The following VPS13C variants were observed in gnomAD, a reference collection of about 807,000 sequenced individuals.
VPS13C encodes the protein intermembrane lipid transfer protein VPS13C.
Under a neutral mutation model 456.8 loss-of-function variants are expected in VPS13C, and 358 were observed. The observed-to-expected ratio is 0.78, with a 90% CI of 0.72 to 0.86. VPS13C has a LOEUF of 0.86. VPS13C is among the 40% of genes least tolerant of loss of function. The pLI is 0.00. For synonymous variants in VPS13C, 1,578 were observed against 1,486.7 expected, an observed-to-expected ratio of 1.06 and a Z score of -1.41; for missense variants, 4,818 against 4,385.4, an observed-to-expected ratio of 1.10 and a Z score of -2.79.
At chr15:61,984,041 T>A (rs1358085094) in intron 19 of VPS13C, 29 bp from the exon 20 acceptor site, 2 of 1,590,792 alleles carry the variant, frequency 1.3e-6, no homozygotes, top group South Asian at 1.1e-5. Context: ...CAAGGAAAGA[T>A]GCAGACAAGG....
At chr15:62,006,013 C>A (rs1055845335) in intron 15 of VPS13C, among the ~76,000 whole-genome samples, 1 of 151,820 alleles carries the variant, frequency 6.6e-6, no homozygotes, top group African/African-American at 2.4e-5. Flanking sequence ...CGTGTTTCTA[C>A]CTTTTAAAAG....
chr15:62,052,667 C>T (rs1294808711), intron 1 of VPS13C, among the ~76,000 whole-genome samples: 4 of 118,256 alleles, frequency 3.4e-5, no homozygotes, highest in Admixed American at 1.8e-4. Flanking sequence ...AGCAAGACTC[C>T]GTCTCAAAAA....
intron 66 of VPS13C, among the ~76,000 whole-genome samples, chr15:61,890,653 G>A (rs1173750125): frequency 1.3e-5 from 2 of 152,124 alleles, no homozygotes; most frequent in South Asian, 2.1e-4. Flanking sequence ...GTGCTGAAGG[G>A]CACAGAGCAG....
intron 36 of VPS13C, 38 bp from the exon 37 acceptor site, chr15:61,958,754 T>A: frequency 8.9e-7 from 1 of 1,120,800 alleles, no homozygotes; most frequent in Non-Finnish European, 1.2e-6. Context: ...CTATATTACG[T>A]TTTAAAATGA....
chr15:61,941,472 G>C (rs1283800338), intron 46 of VPS13C, among the ~76,000 whole-genome samples: 1 of 152,036 alleles, frequency 6.6e-6, no homozygotes, highest in Non-Finnish European at 1.5e-5. Context: ...CGTGCAAAGT[G>C]AGAAAAATAA....
chr15:61,972,469 A>T, intron 27 of VPS13C, among the ~76,000 whole-genome samples, 156 bp downstream of exon 27: 1 of 152,012 alleles, frequency 6.6e-6, no homozygotes. Context: ...AGAGAGAAAG[A>T]GTGTGTGTGA....
In VPS13C at chr15:62,052,017, A is replaced by G. The variant is rs559863009; in HGVS notation, c.101-7762T>C. Among the ~76,000 whole-genome samples the G allele has an allele frequency of 2.0e-4, 31 of 152,242 alleles. No homozygotes were observed. The South Asian group carries it at 4.4e-3, about 21-fold the overall frequency. On this transcript the variant is annotated intron_variant, in intron 1 of 84. Coordinates refer to ENST00000644861, the MANE Select transcript of VPS13C (RefSeq NM_020821.3). ...CTGGTAGTTTATCCAAGGTTATACAATTTTTTTGTGGCAGTACTAAGAATA... is the reference window on the plus strand; with the variant it reads ...CTGGTAGTTTATCCAAGGTTATACAGTTTTTTTGTGGCAGTACTAAGAATA...
intron 15 of VPS13C, among the ~76,000 whole-genome samples, chr15:62,003,723 G>C (rs1038260735): frequency 2.6e-5 from 4 of 151,696 alleles, no homozygotes; most frequent in African/African-American, 9.7e-5. Context: ...AGAGTTTTTA[G>C]CATGAAGGGC....
chr15:61,909,209 A>G, intron 64 of VPS13C, 84 bp from the exon 65 acceptor site: 2 of 1,542,026 alleles, frequency 1.3e-6, no homozygotes, highest in Non-Finnish European at 1.8e-6. Flanking sequence ...CGTAAAACAC[A>G]AAAGCTTTGG....
Position 62,018,789 on chromosome 15 carries a change from C to A in VPS13C, c.684+1690G>T, listed in dbSNP as rs936974809. On this transcript the variant is annotated intron_variant, in intron 9 of 84. Transcript: ENST00000644861. ...TCTGCCAGGCTTTGGTATCAGGATG[C>A]TGCTGGACTCATAAAATGAGTTAGG... Among the ~76,000 whole-genome samples the A allele has an allele frequency of 1.5e-3, 225 of 152,146 alleles. 1 individual carries two copies. The highest frequency in any genetic ancestry group is 3.5e-3 in the African/African-American group (146 of 41,506).
intron 45 of VPS13C, among the ~76,000 whole-genome samples, chr15:61,944,632 T>C (rs901071356): frequency 1.3e-5 from 2 of 152,030 alleles, no homozygotes; most frequent in Non-Finnish European, 2.9e-5. Context: ...TGCGGACTAC[T>C]ACAGAGAGGG....
At chr15:61,909,224 T>C (rs1441096915) in intron 64 of VPS13C, 99 bp from the exon 65 acceptor site, 1 of 1,465,698 alleles carries the variant, frequency 6.8e-7, no homozygotes, top group Non-Finnish European at 9.2e-7. Flanking sequence ...CTTTGGTTTT[T>C]TTCGAGACAG....
chr15:62,037,330 ACATTTATATATAATATAT>A (rs2048074043), intron 3 of VPS13C, among the ~76,000 whole-genome samples: 2 of 85,858 alleles, frequency 2.3e-5, no homozygotes. Flanking sequence ...TATATTATAT[ACATTTATATATAATATAT>A]TATATATAAA....
At chr15:61,869,387 TCAATTAGACTTTAAGATC>T in intron 80 of VPS13C, 95 bp downstream of exon 80, 5 of 1,213,722 alleles carry the variant, frequency 4.1e-6, no homozygotes, top group Non-Finnish European at 5.6e-6. Context: ...ACCACAGCTT[TCAATTAGACTTTAAGATC>T]CTTAGGAGCA....
In VPS13C at chr15:61,952,088, A is replaced by T. The variant is rs569965143; in HGVS notation, c.4300-108T>A. On this transcript the variant is annotated intron_variant, in intron 38 of 84. Coordinates refer to ENST00000644861, the MANE Select transcript of VPS13C (RefSeq NM_020821.3). ...GTGATATAAGGAAGAAATTCACACA[A>T]TGTTAAGATGTGTACTTCTATTTGT... 4.9e-6 allele frequency: 6 copies of T among 1,224,840 alleles called. No individual in the cohort carries two copies. In the South Asian group the frequency reaches 9.6e-5, roughly 20 times the overall value. The allele number at this position is 1,224,840 out of a possible 1,614,324, so 75.9% of individuals were successfully genotyped here. A position where few individuals can be genotyped will look rare whatever the true frequency, so the allele number is the denominator to read the frequency against.
At chr15:61,906,248 C>T (rs1424424876) in intron 66 of VPS13C, among the ~76,000 whole-genome samples, 1 of 152,182 alleles carries the variant, frequency 6.6e-6, no homozygotes, top group Non-Finnish European at 1.5e-5. Context: ...TAAACGATTT[C>T]CTTGCTTATA....
At chr15:61,903,099 G>A (rs1450982389) in intron 66 of VPS13C, among the ~76,000 whole-genome samples, 5 of 152,206 alleles carry the variant, frequency 3.3e-5, no homozygotes. Context: ...GCCAAGGCAG[G>A]TGAATCGCTT....
chr15:62,009,138 C>T (rs2046955098), intron 13 of VPS13C, among the ~76,000 whole-genome samples: 1 of 152,032 alleles, frequency 6.6e-6, no homozygotes, highest in African/African-American at 2.4e-5. Flanking sequence ...ATAAAATATG[C>T]CTGTTTCTAA....
Position 61,941,958 on chromosome 15 carries a change from C to T in VPS13C, c.5258G>A (p.Arg1753His), listed in dbSNP as rs760734418. 4.3e-6 allele frequency: 7 copies of T among 1,613,914 alleles called. No homozygotes were observed. The highest frequency in any genetic ancestry group is 3.3e-5 in the South Asian group (3 of 91,064). Residue 1753 changes from arginine to histidine, a missense_variant, in exon 46 of 85, where the codon CGC (arginine) becomes CAC (histidine). Around this residue, in one of 3 missense-constraint regions of VPS13C, gnomAD observed 4,552 missense variants for 4,130.6 expected, o/e 1.10. Transcript: ENST00000644861. The part of the protein sequence containing the change: ...SMKDLAQKSF[R>H]LLMDINLKAP... ...TTTCAAATTAATATCCATCAAAAGG[C>T]GGAAACTCTTTTGAGCCAAGTCTTT...
Sources: allele counts gnomAD v4.1 joint callset (sites outside exome capture counted in the v4.1 genomes callset), GRCh38; gene constraint gnomAD v4.1.1; regional missense constraint gnomAD v4.1.1; transcripts MANE v1.5; gene names NCBI Gene and HGNC (gene_info 2026-07-23, HGNC 2026-07-21).